Variants in GABRB2 observed in about 807,000 individuals in gnomAD.
GABRB2 encodes gamma-aminobutyric acid type A receptor subunit beta2, also known as gamma-aminobutyric acid receptor subunit beta-2.
In GABRB2, 16 loss-of-function variants were observed where a neutral mutation model predicts 54.7. That is an observed-to-expected ratio of 0.29 (90% CI 0.20 to 0.44). GABRB2 has a LOEUF of 0.44. Ranked by LOEUF, GABRB2 falls within the 20% of genes least tolerant of loss-of-function variation. The pLI is 1.00. For missense variants in GABRB2, 355 were observed against 644.0 expected (o/e 0.55, Z 4.86); for synonymous variants, 244 against 233.8 (o/e 1.04, Z -0.40).
chr5:161,354,787 G>A (rs1286409964), intron 5 of GABRB2, among the ~76,000 whole-genome samples: 1 of 151,938 alleles, frequency 6.6e-6, no homozygotes, highest in Non-Finnish European at 1.5e-5. Context: ...CCTCTTTGAA[G>A]TCATCTATTA....
chr5:161,405,962 A>G (rs770750051), intron 5 of GABRB2, among the ~76,000 whole-genome samples: 6 of 151,978 alleles, frequency 3.9e-5, no homozygotes, highest in Non-Finnish European at 8.8e-5. Flanking sequence ...ATTCAGTAAC[A>G]CAACAGGCAC....
chr5:161,519,127 C>G (rs1760037783), intron 3 of GABRB2, among the ~76,000 whole-genome samples: 1 of 152,196 alleles, frequency 6.6e-6, no homozygotes, highest in South Asian at 2.1e-4. Context: ...TTGAAAACCA[C>G]TATGCCCTTT....
intron 3 of GABRB2, among the ~76,000 whole-genome samples, chr5:161,522,054 G>A (rs1760131105): frequency 6.6e-6 from 1 of 151,828 alleles, no homozygotes; most frequent in Non-Finnish European, 1.5e-5. Flanking sequence ...TATAAAGTTA[G>A]TAGGACATCT....
intron 5 of GABRB2, among the ~76,000 whole-genome samples, chr5:161,367,228 TA>T (rs1754996512): frequency 6.6e-6 from 1 of 152,220 alleles, no homozygotes; most frequent in African/African-American, 2.4e-5. Context: ...TTTGCATTTT[TA>T]AAACTATTTC....
chr5:161,545,736 T>C (rs1481156695), intron 2 of GABRB2, among the ~76,000 whole-genome samples: 1 of 152,036 alleles, frequency 6.6e-6, no homozygotes, highest in East Asian at 1.9e-4. Context: ...TCAGCATATC[T>C]AGGGCTGCAG....
At chr5:161,365,528 G>T (rs1487859944) in intron 5 of GABRB2, among the ~76,000 whole-genome samples, 1 of 152,048 alleles carries the variant, frequency 6.6e-6, no homozygotes, top group Non-Finnish European at 1.5e-5. Context: ...ATTAGATTAG[G>T]GAAATTATCA....
intron 9 of GABRB2, among the ~76,000 whole-genome samples, chr5:161,310,901 C>T (rs1360961420): frequency 6.6e-6 from 1 of 152,000 alleles, no homozygotes; most frequent in Non-Finnish European, 1.5e-5. Context: ...GCTGGGATTA[C>T]AGGCGTCCAC....
intron 5 of GABRB2, among the ~76,000 whole-genome samples, chr5:161,381,321 C>T (rs1055917677): frequency 6.6e-6 from 1 of 152,090 alleles, no homozygotes; most frequent in Non-Finnish European, 1.5e-5. Context: ...GAATGGAATC[C>T]ATCACTCTCA....
intron 8 of GABRB2, among the ~76,000 whole-genome samples, chr5:161,327,272 AT>A (rs1758395704): frequency 6.6e-6 from 1 of 152,232 alleles, no homozygotes; most frequent in Non-Finnish European, 1.5e-5. Flanking sequence ...ACACTTGCTT[AT>A]AAACTTTCAT....
At chr5:161,485,118 T>C (rs770324223) in intron 3 of GABRB2, among the ~76,000 whole-genome samples, 2 of 151,902 alleles carry the variant, frequency 1.3e-5, no homozygotes, top group East Asian at 3.9e-4. Context: ...TCCTAAAATA[T>C]ATACCACTTT....
At chr5:161,341,950 TATATATATATATATATATAC>T (rs1262912254) in intron 5 of GABRB2, among the ~76,000 whole-genome samples, 4 of 69,474 alleles carry the variant, frequency 5.8e-5, no homozygotes, top group South Asian at 6.5e-4. Context: ...TATATATATA[TATATATATATATATATATAC>T]ATACTTTATT....
intron 5 of GABRB2, among the ~76,000 whole-genome samples, chr5:161,372,508 C>T (rs368732575): frequency 6.6e-6 from 1 of 152,134 alleles, no homozygotes; most frequent in South Asian, 2.1e-4. Context: ...GAAACTTACT[C>T]ATTTACATCT....
upstream of GABRB2, chr5:161,546,824 A>C: frequency 2.2e-6 from 3 of 1,333,430 alleles, no homozygotes; most frequent in Non-Finnish European, 3.0e-6. Context: ...AAAAAATTAA[A>C]AGGGAAAAAG....
At chr5:161,478,553 C>T (rs547519447) in intron 3 of GABRB2, among the ~76,000 whole-genome samples, 8 of 152,016 alleles carry the variant, frequency 5.3e-5, no homozygotes, top group African/African-American at 1.9e-4. Context: ...TGTTTTCTGA[C>T]CTTCATGGAG....
At chr5:161,448,710 A>G (rs1757705805) in intron 4 of GABRB2, among the ~76,000 whole-genome samples, 1 of 152,202 alleles carries the variant, frequency 6.6e-6, no homozygotes, top group Non-Finnish European at 1.5e-5. Context: ...TCAAATTACA[A>G]ACTATATTGC....
At chr5:161,327,013 G>A in intron 8 of GABRB2, 1 of 976,250 alleles carries the variant, frequency 1.0e-6, no homozygotes, top group African/African-American at 1.8e-5. Context: ...AACAGTGGGT[G>A]AAATCAATCA....
chr5:161,461,947 C>T (rs1458183041), intron 3 of GABRB2, among the ~76,000 whole-genome samples: 5 of 152,096 alleles, frequency 3.3e-5, no homozygotes, highest in Non-Finnish European at 5.9e-5. Flanking sequence ...GAGATTTATA[C>T]ATCTTAATTG....
Position 161,411,166 on chromosome 5 carries a change from G to T in GABRB2, c.459-109C>A, listed in dbSNP as rs577540625. The T allele has an allele frequency of 2.1e-4, 154 of 740,502 alleles. No homozygotes were observed. In the African/African-American group the frequency reaches 2.4e-3, roughly 12 times the overall value. The allele number at this position is 740,502 out of a possible 1,614,324, so 45.9% of individuals were successfully genotyped here. On this transcript the variant is annotated intron_variant, in intron 4 of 9. Coordinates refer to ENST00000393959, the MANE Select transcript of GABRB2 (RefSeq NM_001371727.1). ...ACTGTGATTTACCCTAAGTACTAAT[G>T]AAAATGACTGATGCAACTTTGGATA...
chr5:161,412,080 A>G (rs894471933), intron 4 of GABRB2, among the ~76,000 whole-genome samples: 11 of 152,178 alleles, frequency 7.2e-5, no homozygotes, highest in African/African-American at 2.7e-4. Flanking sequence ...TGTTGGGAAC[A>G]CAGAAGTAAG....
Sources: allele counts gnomAD v4.1 joint callset (sites outside exome capture counted in the v4.1 genomes callset), GRCh38; gene constraint gnomAD v4.1.1; transcripts MANE v1.5; gene names NCBI Gene and HGNC (gene_info 2026-07-23, HGNC 2026-07-21).